The following PRKAR2A variants were observed in gnomAD, a reference collection of about 807,000 sequenced individuals.
PRKAR2A encodes the protein cAMP-dependent protein kinase type II-alpha regulatory subunit.
A neutral mutation model predicts 51.9 loss-of-function variants in PRKAR2A; 29 were observed. The ratio of observed to expected loss-of-function variants is 0.56; its 90% CI spans 0.42 to 0.76. PRKAR2A has a LOEUF of 0.76. PRKAR2A is among the 30% of genes least tolerant of loss of function. The probability of loss-of-function intolerance (pLI) is 0.00; values close to 1 mark genes in which losing one functional copy is unlikely to be tolerated. For synonymous variants in PRKAR2A, 178 were observed against 186.2 expected, an observed-to-expected ratio of 0.96 and a Z score of 0.36; for missense variants, 445 against 512.1, an observed-to-expected ratio of 0.87 and a Z score of 1.26.
intron 1 of PRKAR2A, among the ~76,000 whole-genome samples, chr3:48,833,617 A>T (rs557159552): frequency 6.6e-5 from 10 of 151,140 alleles, no homozygotes; most frequent in African/African-American, 2.4e-4. Context: ...GGCTGAGGCA[A>T]GAGAATTGCT....
chr3:48,825,971 A>G (rs2083056571), intron 1 of PRKAR2A, among the ~76,000 whole-genome samples: 1 of 151,940 alleles, frequency 6.6e-6, no homozygotes, highest in South Asian at 2.1e-4. Flanking sequence ...CTTCTAACCA[A>G]CTCATTACAA....
chr3:48,785,662 G>A (rs1204576513), intron 4 of PRKAR2A, among the ~76,000 whole-genome samples: 1 of 152,190 alleles, frequency 6.6e-6, no homozygotes, highest in African/African-American at 2.4e-5. Context: ...TTCCCAAAGT[G>A]CTGGGATTAC....
chr3:48,754,029 C>T (rs927148257), intron 9 of PRKAR2A, among the ~76,000 whole-genome samples: 2 of 150,162 alleles, frequency 1.3e-5, no homozygotes, highest in South Asian at 2.1e-4. Flanking sequence ...TCCTGAGTAG[C>T]TGGGACTACA....
intron 4 of PRKAR2A, among the ~76,000 whole-genome samples, chr3:48,789,948 TCTTC>T (rs1464718527): frequency 1.3e-5 from 2 of 152,062 alleles, no homozygotes; most frequent in African/African-American, 2.4e-5. Flanking sequence ...TCTCTCTCTT[TCTTC>T]CTTTCTTTCC....
chr3:48,773,674 A>G (rs1272066607), intron 5 of PRKAR2A, among the ~76,000 whole-genome samples: 1 of 151,790 alleles, frequency 6.6e-6, no homozygotes, highest in Non-Finnish European at 1.5e-5. Flanking sequence ...CACCTGAAAC[A>G]AAGTTTTAAT....
intron 1 of PRKAR2A, among the ~76,000 whole-genome samples, chr3:48,835,473 A>C (rs1042820242): frequency 2.0e-5 from 3 of 151,646 alleles, no homozygotes; most frequent in Admixed American, 6.6e-5. Flanking sequence ...AACCCCATCT[A>C]TACTAAAAAT....
chr3:48,809,213 T>C (rs1363068122), intron 1 of PRKAR2A, among the ~76,000 whole-genome samples: 1 of 152,148 alleles, frequency 6.6e-6, no homozygotes, highest in African/African-American at 2.4e-5. Context: ...TGGCTATAGT[T>C]GATAGACAAA....
chr3:48,844,996 C>T (rs2083440231), intron 1 of PRKAR2A, among the ~76,000 whole-genome samples: 1 of 152,052 alleles, frequency 6.6e-6, no homozygotes, highest in Non-Finnish European at 1.5e-5. Context: ...AGAAAAAAAA[C>T]TTGTAAACTT....
At chr3:48,775,233 G>A (rs2082088230) in intron 5 of PRKAR2A, among the ~76,000 whole-genome samples, 1 of 151,982 alleles carries the variant, frequency 6.6e-6, no homozygotes, top group East Asian at 1.9e-4. Flanking sequence ...GAGGTCAGGA[G>A]TTCGAGACTA....
At chr3:48,807,947 A>G (rs929604946) in intron 1 of PRKAR2A, among the ~76,000 whole-genome samples, 6 of 152,136 alleles carry the variant, frequency 3.9e-5, no homozygotes, top group African/African-American at 1.4e-4. Flanking sequence ...CCACATCTAT[A>G]TTCCATCTAA....
intron 6 of PRKAR2A, among the ~76,000 whole-genome samples, chr3:48,772,392 A>G (rs1306601619): frequency 2.6e-5 from 4 of 151,826 alleles, no homozygotes; most frequent in Non-Finnish European, 4.4e-5. Flanking sequence ...TTTTTAGTAG[A>G]GACACGGTTT....
chr3:48,823,348 C>T (rs1287755966), intron 1 of PRKAR2A, among the ~76,000 whole-genome samples: 3 of 151,880 alleles, frequency 2.0e-5, no homozygotes, highest in South Asian at 2.1e-4. Flanking sequence ...CGGGTTGAGC[C>T]CTCAACCTGT....
At chr3:48,839,525 T>A (rs982660142) in intron 1 of PRKAR2A, among the ~76,000 whole-genome samples, 1 of 152,112 alleles carries the variant, frequency 6.6e-6, no homozygotes, top group African/African-American at 2.4e-5. Flanking sequence ...TATTAATAAG[T>A]TTATACTCTT....
chr3:48,796,670 GTT>G (rs11370685), intron 2 of PRKAR2A, among the ~76,000 whole-genome samples: 8 of 136,774 alleles, frequency 5.8e-5, no homozygotes, highest in African/African-American at 1.9e-4. Flanking sequence ...TAGAGACGGG[GTT>G]TTTTTTTTTT....
At chr3:48,844,075 G>T (rs1209248105) in intron 1 of PRKAR2A, among the ~76,000 whole-genome samples, 1 of 151,074 alleles carries the variant, frequency 6.6e-6, no homozygotes, top group African/African-American at 2.4e-5. Context: ...GAAAATTTTC[G>T]CAACCTACTC....
At chr3:48,814,792 G>C (rs1199163794) in intron 1 of PRKAR2A, among the ~76,000 whole-genome samples, 1 of 152,110 alleles carries the variant, frequency 6.6e-6, no homozygotes, top group African/African-American at 2.4e-5. Context: ...GAAACAAGCA[G>C]ATCATTTTTA....
In PRKAR2A at chr3:48,773,068, G is replaced by T. The variant is rs147886817; in HGVS notation, c.583C>A (p.Arg195Ser). 3 of 1,611,162 alleles carry T rather than the reference G, an allele frequency of 1.9e-6. No homozygotes were observed. ...DILVTKDNQT[R>S]SVGQYDNRGS... ...CGGTTGTCATATTGACCAACAGAGC[G>T]GGTTTGATTATCTTTTGTTACTAAA... The change falls in exon 6 of 11, where the codon CGC becomes AGC. Residue 195 changes from arginine (R) to serine (S), a missense_variant. Transcript: ENST00000265563.
chr3:48,758,259 A>G (rs1331358694), intron 8 of PRKAR2A, among the ~76,000 whole-genome samples: 1 of 147,172 alleles, frequency 6.8e-6, no homozygotes, highest in African/African-American at 2.5e-5. Context: ...CTCCATCTCA[A>G]AAAAAAAAAA....
At position 48,829,871 on chromosome 3, in the gene PRKAR2A, ATTTTTTTT is replaced by A. The variant is rs763726926; in HGVS notation, c.262+17456_262+17463del. Reference sequence around the variant, plus strand: ...TGTATATATATATATATATATATATATTTTTTTTTTTTTTTTAAGCTTTTTTGTTAAAA... The same window carrying A: ...TGTATATATATATATATATATATATATTTTTTTTAAGCTTTTTTGTTAAAA... On this transcript the variant is annotated intron_variant, in intron 1 of 10. Transcript: ENST00000265563. Among the ~76,000 whole-genome samples, 62 of 87,698 alleles carry A rather than the reference ATTTTTTTT, an allele frequency of 7.1e-4. 2 individuals carry two copies. The highest frequency in any genetic ancestry group is 1.1e-3 in the Non-Finnish European group (53 of 49,344). The allele number at this position is 87,698 out of a possible 152,430, so 57.5% of individuals were successfully genotyped here.
Sources: allele counts gnomAD v4.1 joint callset (sites outside exome capture counted in the v4.1 genomes callset), GRCh38; gene constraint gnomAD v4.1.1; transcripts MANE v1.5; gene names NCBI Gene and HGNC (gene_info 2026-07-23, HGNC 2026-07-21).